Variants in FBXW8 observed in about 807,000 individuals in gnomAD.
FBXW8 encodes the protein F-box and WD repeat domain containing 8, also known as F-box/WD repeat-containing protein 8.
In FBXW8, 57 loss-of-function variants were observed where a neutral mutation model predicts 65.3. The ratio of observed to expected loss-of-function variants is 0.87; its 90% CI spans 0.71 to 1.09. The LOEUF (loss-of-function observed/expected upper bound fraction) is 1.09. Ranked by LOEUF, FBXW8 falls within the 50% of genes least tolerant of loss-of-function variation. The probability of loss-of-function intolerance (pLI) is 0.00; values close to 1 mark genes in which losing one functional copy is unlikely to be tolerated. For synonymous variants in FBXW8, 308 were observed against 330.2 expected (o/e 0.93, Z 0.73); for missense variants, 777 against 814.8 (o/e 0.95, Z 0.57).
chr12:117,012,743 A>C (rs1260588023), intron 8 of FBXW8, among the ~76,000 whole-genome samples: 2 of 152,152 alleles, frequency 1.3e-5, no homozygotes, highest in Non-Finnish European at 2.9e-5. Context: ...GACTGATGCA[A>C]TTTTTTACAA....
At chr12:116,990,737 A>G (rs370607329) in intron 7 of FBXW8, among the ~76,000 whole-genome samples, 6 of 152,378 alleles carry the variant, frequency 3.9e-5, no homozygotes, top group African/African-American at 1.4e-4. Context: ...CTTCAGATAC[A>G]GATGTAAGGC....
intron 4 of FBXW8, among the ~76,000 whole-genome samples, chr12:116,954,129 AAAAAAG>A (rs1466387819): frequency 3.3e-5 from 5 of 151,682 alleles, no homozygotes; most frequent in Non-Finnish European, 4.4e-5. Flanking sequence ...AAAAAAAAAA[AAAAAAG>A]AAAAAGCAGT....
intron 2 of FBXW8, among the ~76,000 whole-genome samples, chr12:116,934,638 T>C (rs1882029146): frequency 6.6e-6 from 1 of 152,204 alleles, no homozygotes; most frequent in South Asian, 2.1e-4. Flanking sequence ...CTTTAAAAAT[T>C]ATTATAAATT....
intron 5 of FBXW8, among the ~76,000 whole-genome samples, chr12:116,972,338 C>G (rs949176441): frequency 3.3e-5 from 5 of 152,120 alleles, no homozygotes; most frequent in African/African-American, 1.2e-4. Context: ...GAAGATAAAT[C>G]GAATTTTAAG....
chr12:117,007,377 C>A (rs16947209), intron 7 of FBXW8, among the ~76,000 whole-genome samples: 7,180 of 152,198 alleles, frequency 0.047, 411 homozygotes, highest in African/African-American at 0.14. Flanking sequence ...AGGAAAAATT[C>A]TTCTCTGTGT....
intron 9 of FBXW8, among the ~76,000 whole-genome samples, chr12:117,025,343 G>A (rs781063287): frequency 6.6e-6 from 1 of 152,170 alleles, no homozygotes; most frequent in African/African-American, 2.4e-5. Context: ...CTACAAAACC[G>A]AGATGATTCT....
intron 7 of FBXW8, among the ~76,000 whole-genome samples, chr12:116,996,784 G>A (rs11068282): frequency 0.029 from 4,355 of 152,178 alleles, 183 homozygotes; most frequent in East Asian, 0.19. Context: ...GAGGGTTGCC[G>A]TCATTGTTAA....
At chr12:117,010,558 C>A in intron 8 of FBXW8, 108 bp downstream of exon 8, 1 of 1,481,340 alleles carries the variant, frequency 6.8e-7, no homozygotes, top group Non-Finnish European at 9.3e-7. Flanking sequence ...GCTCTGCCCA[C>A]CTGAGTTCAG....
At position 117,030,226 on chromosome 12, in the gene FBXW8, T is replaced by C. The variant is rs1044925850; in HGVS notation, c.*2054T>C. 4 of 152,206 alleles carry C rather than the reference T, an allele frequency of 2.6e-5. No homozygotes were observed. The South Asian group carries it at 6.2e-4, about 24-fold the overall frequency. The allele number at this position is 152,206 out of a possible 1,614,324, so 9.4% of individuals were successfully genotyped here. A position where few individuals can be genotyped will look rare whatever the true frequency, so the allele number is the denominator to read the frequency against. On this transcript the variant is annotated 3_prime_UTR_variant, in exon 11 of 11. Transcript: ENST00000652555. ...CAACTACACAGGGGAACGGAGCAGA[T>C]AGAGCTGCGACTGGGAAGCGTCACC...
intron 7 of FBXW8, among the ~76,000 whole-genome samples, chr12:117,004,067 G>A (rs1024426492): frequency 7.9e-5 from 12 of 152,126 alleles, no homozygotes; most frequent in African/African-American, 1.2e-4. Flanking sequence ...CCCCTCCTCC[G>A]TGCTGCTCAC....
At chr12:117,015,225 A>C (rs546663228) in intron 8 of FBXW8, among the ~76,000 whole-genome samples, 4 of 150,848 alleles carry the variant, frequency 2.7e-5, no homozygotes, top group African/African-American at 9.8e-5. Context: ...AACATGGGAA[A>C]CTCTTCCCCT....
At chr12:116,960,297 G>C (rs1430795152) in intron 4 of FBXW8, among the ~76,000 whole-genome samples, 1 of 152,160 alleles carries the variant, frequency 6.6e-6, no homozygotes, top group Non-Finnish European at 1.5e-5. Flanking sequence ...TGCCTCCCAT[G>C]CTATTGTGGC....
intron 8 of FBXW8, among the ~76,000 whole-genome samples, chr12:117,019,299 C>CT (rs1954031910): frequency 6.6e-6 from 1 of 152,188 alleles, no homozygotes; most frequent in Admixed American, 6.5e-5. Context: ...TAGCAGACCT[C>CT]TTCAAGACCA....
chr12:116,916,911 T>TGTGTGTGAGA (rs59006120), intron 1 of FBXW8, among the ~76,000 whole-genome samples: 18,743 of 145,526 alleles, frequency 0.13, 1,616 homozygotes, highest in Non-Finnish European at 0.19. Flanking sequence ...TGTGTGTGTG[T>TGTGTGTGAGA]GAGAGAGAGA....
chr12:117,027,591 C>G (rs572840465), intron 10 of FBXW8, 87 bp downstream of exon 10: 1 of 1,027,988 alleles, frequency 9.7e-7, no homozygotes, highest in East Asian at 2.5e-5. Context: ...CACATTGCAC[C>G]CTATGGGCTA....
At chr12:116,966,088 AAT>A (rs1211307904) in intron 5 of FBXW8, among the ~76,000 whole-genome samples, 2 of 152,052 alleles carry the variant, frequency 1.3e-5, no homozygotes, top group African/African-American at 4.8e-5. Context: ...TATTTTATAT[AAT>A]TACTTTAGCA....
rs114870928 is a variant in FBXW8, at chr12:116,939,300, G to A, written c.424-6064G>A. The stretch of plus-strand genomic sequence containing the variant: ...GAGACTCAGTCAGAATAATGCAAAC[G>A]TCTGAAATCCAAAATACTCCTGGTT... On this transcript the variant is annotated intron_variant, in intron 2 of 10. Coordinates refer to ENST00000652555, the MANE Select transcript of FBXW8 (RefSeq NM_153348.3). Among the ~76,000 whole-genome samples, 398 of 152,306 alleles carry A rather than the reference G, an allele frequency of 2.6e-3. 3 individuals are homozygous for A. The highest frequency in any genetic ancestry group is 9.0e-3 in the African/African-American group (375 of 41,558).
chr12:117,011,650 G>A (rs1405092033), intron 8 of FBXW8, among the ~76,000 whole-genome samples: 1 of 152,072 alleles, frequency 6.6e-6, no homozygotes, highest in Non-Finnish European at 1.5e-5. Flanking sequence ...CTATACAGAG[G>A]CTCCAAGCTC....
intron 7 of FBXW8, 109 bp from the exon 8 acceptor site, chr12:117,010,214 C>G: frequency 6.6e-7 from 1 of 1,506,572 alleles, no homozygotes; most frequent in South Asian, 1.2e-5. Flanking sequence ...AACATCTTCA[C>G]GGGAGCTCAG....
Sources: allele counts gnomAD v4.1 joint callset (sites outside exome capture counted in the v4.1 genomes callset), GRCh38; gene constraint gnomAD v4.1.1; transcripts MANE v1.5; gene names NCBI Gene and HGNC (gene_info 2026-07-23, HGNC 2026-07-21).